Variants in ITPR1 observed in about 807,000 individuals in gnomAD.
ITPR1 encodes the protein inositol 1,4,5-trisphosphate receptor type 1.
A neutral mutation model predicts 318.4 loss-of-function variants in ITPR1; 96 were observed. The ratio of observed to expected loss-of-function variants is 0.30; its 90% CI spans 0.26 to 0.36. The LOEUF is 0.36. Ranked by LOEUF, ITPR1 falls within the 10% of genes least tolerant of loss-of-function variation. The pLI, the probability that ITPR1 is intolerant of heterozygous loss-of-function variation, is 1.00. For missense variants in ITPR1, 2,440 were observed against 3,460.2 expected, an observed-to-expected ratio of 0.71 and a Z score of 7.40; for synonymous variants, 1,312 against 1,289.9, an observed-to-expected ratio of 1.02 and a Z score of -0.37.
chr3:4,517,795 A>G (rs2082273619), intron 3 of ITPR1, among the ~76,000 whole-genome samples: 1 of 151,892 alleles, frequency 6.6e-6, no homozygotes, highest in Admixed American at 6.5e-5. Flanking sequence ...TCCTTTCTTC[A>G]TGGTTGGCTC....
At position 4,680,673 on chromosome 3, in the gene ITPR1, G is replaced by C; in HGVS notation, c.3088G>C (p.Gly1030Arg). 6.2e-7 allele frequency: 1 copy of C among 1,612,636 alleles called. No individual in the cohort carries two copies. ...ETSSGNSSQE[G>R]PSNVPGALDF... ...ATCCTCCGGAAACAGCAGCCAAGAA[G>C]GGCCAAGTAATGTACCAGGTTAGTG... The change falls in exon 25 of 62, where the codon GGG becomes CGG. Residue 1030 changes from glycine to arginine, a missense_variant. This residue lies in a region of ITPR1 where 57 missense variants were observed against 46.2 expected (regional missense o/e 1.23). Transcript: ENST00000649015.
At chr3:4,728,258 G>C (rs896844172) in intron 42 of ITPR1, among the ~76,000 whole-genome samples, 2 of 152,188 alleles carry the variant, frequency 1.3e-5, no homozygotes, top group African/African-American at 4.8e-5. Context: ...TGACAGCACT[G>C]ATTTTCATGT....
chr3:4,619,330 A>T lies in ITPR1; in HGVS notation c.164-8433A>T, dbSNP rs377153366. 2.0e-5 allele frequency among the ~76,000 whole-genome samples: 3 copies of T among 151,982 alleles called. No individual in the cohort carries two copies. In the East Asian group the frequency reaches 5.8e-4, roughly 29 times the overall value. On this transcript the variant is annotated intron_variant, in intron 4 of 61. Transcript: ENST00000649015. Reference sequence around the variant, plus strand: ...GGATATTATCTTGTATATTTCTTTGATTGTTTCCATACCTTCAGTTTCTTT... The same window carrying T: ...GGATATTATCTTGTATATTTCTTTGTTTGTTTCCATACCTTCAGTTTCTTT...
chr3:4,560,815 G>C (rs1483230976), intron 4 of ITPR1, among the ~76,000 whole-genome samples: 1 of 152,196 alleles, frequency 6.6e-6, no homozygotes, highest in African/African-American at 2.4e-5. Context: ...TTATTATAAC[G>C]TAACTGAGTG....
At position 4,675,185 on chromosome 3, in the gene ITPR1, C is replaced by G. The variant is rs1485623159; in HGVS notation, c.2716C>G (p.Pro906Ala). 1 of 1,612,000 alleles carries G rather than the reference C, an allele frequency of 6.2e-7. No individual in the cohort carries two copies. The highest frequency in any genetic ancestry group is 1.3e-5 in the African/African-American group (1 of 74,958). ...LDCVHVTTIF[P>A]ISKMAKGEEN... is the part of the protein sequence containing the mutation. ...CTGTGTACATGTGACAACAATCTTC[C>G]CCATTAGCAAGATGGCGAAAGGAGA... Residue 906 changes from proline (P) to alanine (A), a missense_variant, in exon 23 of 62, where the codon CCC (proline) becomes GCC (alanine). This residue lies in a region of ITPR1 where 478 missense variants were observed against 696.3 expected (regional missense o/e 0.69). Transcript: ENST00000649015.
chr3:4,684,659 A>C (rs934848099), intron 29 of ITPR1, among the ~76,000 whole-genome samples: 1 of 152,252 alleles, frequency 6.6e-6, no homozygotes, highest in Non-Finnish European at 1.5e-5. Flanking sequence ...TCAGGGAGTC[A>C]TCTAAGTGCC....
intron 4 of ITPR1, among the ~76,000 whole-genome samples, chr3:4,556,035 T>A (rs2086091842): frequency 6.6e-6 from 1 of 152,230 alleles, no homozygotes; most frequent in South Asian, 2.1e-4. Flanking sequence ...TTCATTCACA[T>A]GTGCAAATAT....
intron 52 of ITPR1, among the ~76,000 whole-genome samples, chr3:4,791,534 C>T (rs2047554863): frequency 6.6e-6 from 1 of 152,198 alleles, no homozygotes; most frequent in Admixed American, 6.5e-5. Flanking sequence ...GCTTGCTGCT[C>T]ACCTTCTGCT....
At chr3:4,794,450 C>A (rs2047765465) in intron 52 of ITPR1, among the ~76,000 whole-genome samples, 1 of 152,168 alleles carries the variant, frequency 6.6e-6, no homozygotes, top group African/African-American at 2.4e-5. Context: ...TCCCTGTCCT[C>A]AAGAATGATC....
intron 2 of ITPR1, among the ~76,000 whole-genome samples, chr3:4,501,165 CTT>C (rs966765816): frequency 4.1e-5 from 6 of 145,492 alleles, no homozygotes; most frequent in African/African-American, 1.3e-4. Flanking sequence ...CCCAGCCAAA[CTT>C]TTTTTTTTTT....
intron 57 of ITPR1, 169 bp from the exon 58 acceptor site, chr3:4,814,254 C>T: frequency 2.8e-6 from 2 of 714,800 alleles, no homozygotes; most frequent in South Asian, 3.2e-5. Flanking sequence ...ACAGTTGCCC[C>T]AGACGACTTT....
In ITPR1 at chr3:4,648,636, C is replaced by G. The variant is rs184616693; in HGVS notation, c.855+2908C>G. Among the ~76,000 whole-genome samples the G allele has an allele frequency of 3.1e-3, 477 of 152,184 alleles. 1 individual carries two copies. Among genetic ancestry groups the G allele is most frequent in the African/African-American group, 0.011 (459 of 41,532 alleles). On this transcript the variant is annotated intron_variant, in intron 10 of 61. Coordinates refer to ENST00000649015, the MANE Select transcript of ITPR1 (RefSeq NM_001378452.1). ...ACCAACCTGGTCAACATGGTGAAAC[C>G]CTGTCTCTACTAAAAATACAAAAAT...
Position 4,726,975 on chromosome 3 carries a change from A to G in ITPR1, c.5173-151A>G, listed in dbSNP as rs147444861. 3.6e-3 allele frequency: 2,226 copies of G among 616,466 alleles called. 35 individuals are homozygous for G. Among genetic ancestry groups the G allele is most frequent in the African/African-American group, 0.035 (1,901 of 54,818 alleles). 38.2% of individuals were successfully genotyped at this position (616,466 alleles called of 1,614,324 possible). A position where few individuals can be genotyped will look rare whatever the true frequency, so the allele number is the denominator to read the frequency against. On this transcript the variant is annotated intron_variant, in intron 41 of 61. Coordinates refer to ENST00000649015, the MANE Select transcript of ITPR1 (RefSeq NM_001378452.1). ...ATCTAAAGTAATCAAGCATGGATATACGGGGGAAAAACAAAAATCCAGACC... is the reference window on the plus strand; with the variant it reads ...ATCTAAAGTAATCAAGCATGGATATGCGGGGGAAAAACAAAAATCCAGACC...
chr3:4,589,780 A>T (rs1056261383), intron 4 of ITPR1, among the ~76,000 whole-genome samples: 5 of 152,122 alleles, frequency 3.3e-5, no homozygotes, highest in African/African-American at 4.8e-5. Context: ...AAAAAATGCA[A>T]AACGAACAAA....
At chr3:4,791,675 A>G (rs1476280346) in intron 52 of ITPR1, among the ~76,000 whole-genome samples, 2 of 152,190 alleles carry the variant, frequency 1.3e-5, no homozygotes, top group Non-Finnish European at 2.9e-5. Flanking sequence ...GGCACTTACT[A>G]TCTGAAGTGG....
chr3:4,707,229 C>A (rs2094777610), intron 37 of ITPR1, among the ~76,000 whole-genome samples: 1 of 152,166 alleles, frequency 6.6e-6, no homozygotes, highest in South Asian at 2.1e-4. Flanking sequence ...CAACAATTAC[C>A]TTATTCTCTT....
chr3:4,653,008 G>C (rs2093630956), intron 11 of ITPR1, among the ~76,000 whole-genome samples: 1 of 152,166 alleles, frequency 6.6e-6, no homozygotes, highest in Non-Finnish European at 1.5e-5. Flanking sequence ...TCTGTGAAGA[G>C]TTTTTGAGGA....
chr3:4,697,895 G>A (rs1455630392), intron 34 of ITPR1, among the ~76,000 whole-genome samples: 1 of 152,116 alleles, frequency 6.6e-6, no homozygotes, highest in Non-Finnish European at 1.5e-5. Flanking sequence ...AATTTATAAG[G>A]ATTTATTTTC....
At chr3:4,746,125 A>G (rs907102577) in intron 44 of ITPR1, among the ~76,000 whole-genome samples, 2 of 152,118 alleles carry the variant, frequency 1.3e-5, no homozygotes, top group South Asian at 2.1e-4. Flanking sequence ...GCCTGCCAGC[A>G]TAGGGCTGCT....
Sources: allele counts gnomAD v4.1 joint callset (sites outside exome capture counted in the v4.1 genomes callset), GRCh38; gene constraint gnomAD v4.1.1; regional missense constraint gnomAD v4.1.1; transcripts MANE v1.5; gene names NCBI Gene and HGNC (gene_info 2026-07-23, HGNC 2026-07-21).